The following ZNF787 variants were observed in gnomAD, a reference collection of about 807,000 sequenced individuals.
ZNF787 encodes the protein TTF-I-interacting peptide 20.
Under a neutral mutation model 16.9 loss-of-function variants are expected in ZNF787, and 7 were observed. The observed-to-expected ratio is 0.42, with a 90% CI of 0.24 to 0.78. ZNF787 has a LOEUF of 0.78. ZNF787 is among the 30% of genes least tolerant of loss of function. The probability of loss-of-function intolerance (pLI) is 0.30; values close to 1 mark genes in which losing one functional copy is unlikely to be tolerated. For missense variants in ZNF787, 551 were observed against 589.3 expected, an observed-to-expected ratio of 0.94 and a Z score of 0.67; for synonymous variants, 345 against 270.9, an observed-to-expected ratio of 1.27 and a Z score of -2.69.
At chr19:56,089,301 C>T (rs1227798601) in intron 2 of ZNF787, among the ~76,000 whole-genome samples, 1 of 152,116 alleles carries the variant, frequency 6.6e-6, no homozygotes, top group Non-Finnish European at 1.5e-5. Flanking sequence ...AGTTAAGACC[C>T]TCAGTTTACC....
intron 1 of ZNF787, among the ~76,000 whole-genome samples, chr19:56,118,006 G>A (rs772191741): frequency 6.6e-4 from 100 of 152,366 alleles, no homozygotes; most frequent in Non-Finnish European, 1.1e-3. Flanking sequence ...CGGCAGAGAC[G>A]GAACCAGGAA....
At chr19:56,090,268 G>A (rs1029240166) in intron 2 of ZNF787, among the ~76,000 whole-genome samples, 2 of 152,202 alleles carry the variant, frequency 1.3e-5, no homozygotes, top group Non-Finnish European at 2.9e-5. Context: ...TAAGCTGGGA[G>A]CACAAAACTG....
Position 56,089,031 on chromosome 19 carries a change from CG to C in ZNF787, c.140del (p.Pro47ArgfsTer35). ...VPSWPPTKLS[P>X]PQSAPPAGPP... is the part of the protein sequence containing the mutation. ...GGCCGGCTGGGGGCGCAGACTGGGG[CG>C]GGGACAGCTTGGTGGGAGGCCAGCT... is the stretch of plus-strand genomic sequence containing the variant. On this transcript the variant is annotated frameshift_variant, in exon 3 of 3. Coordinates refer to ENST00000610935, the MANE Select transcript of ZNF787 (RefSeq NM_001002836.4). LOFTEE classifies it high-confidence loss of function. The C allele has an allele frequency of 6.8e-7, 1 of 1,469,296 alleles. No individual in the cohort carries two copies. Among genetic ancestry groups the C allele is most frequent in the Non-Finnish European group, 9.0e-7 (1 of 1,113,172 alleles). The allele number at this position is 1,469,296 out of a possible 1,614,324, so 91.0% of individuals were successfully genotyped here.
intron 1 of ZNF787, 102 bp from the exon 2 acceptor site, chr19:56,103,329 C>A: frequency 2.0e-6 from 2 of 991,904 alleles, no homozygotes; most frequent in Non-Finnish European, 2.9e-6. Context: ...GTGACAGGCA[C>A]AGCGCCCGGC....
At chr19:56,106,886 C>T (rs1383631208) in intron 1 of ZNF787, among the ~76,000 whole-genome samples, 1 of 126,144 alleles carries the variant, frequency 7.9e-6, no homozygotes, top group African/African-American at 3.0e-5. Context: ...TGGCACAACC[C>T]CTCTGAACCG....
At chr19:56,091,951 G>GCCAAAACCGAAA (rs1555775514) in intron 2 of ZNF787, among the ~76,000 whole-genome samples, 1 of 28,874 alleles carries the variant, frequency 3.5e-5, no homozygotes, top group Non-Finnish European at 2.7e-4. Flanking sequence ...CAAAGCCAAA[G>GCCAAAACCGAAA]CCGAAACCGA....
At chr19:56,094,173 G>A (rs1400112680) in intron 2 of ZNF787, among the ~76,000 whole-genome samples, 1 of 147,196 alleles carries the variant, frequency 6.8e-6, no homozygotes, top group African/African-American at 2.5e-5. Context: ...ACAGGCATGA[G>A]CCATCATGCC....
intron 2 of ZNF787, 72 bp from the exon 3 acceptor site, chr19:56,089,164 C>T: frequency 8.1e-7 from 1 of 1,241,302 alleles, no homozygotes; most frequent in Non-Finnish European, 1.1e-6. Context: ...GGCTGCTACG[C>T]TGGCCTCGGG....
rs1271640378 is a variant in ZNF787 at position 56,102,945 on chromosome 19, G to A, written c.79+194C>T. 3 of 716,738 alleles carry A rather than the reference G, an allele frequency of 4.2e-6. No homozygotes were observed. In the South Asian group the frequency reaches 4.4e-5, roughly 11 times the overall value. 44.4% of individuals were successfully genotyped at this position (716,738 alleles called of 1,614,324 possible). On this transcript the variant is annotated intron_variant, in intron 2 of 2. Transcript: ENST00000610935. ...GATCATCCAGCAGAAAGGAAACTTG[G>A]AGCCACAACACTAGCCCTCCCTCTA...
At chr19:56,099,724 A>AAAC (rs1568527655) in intron 2 of ZNF787, among the ~76,000 whole-genome samples, 1 of 150,226 alleles carries the variant, frequency 6.7e-6, no homozygotes, top group Non-Finnish European at 1.5e-5. Context: ...AAAAAAAAAA[A>AAAC]AGAAAAGAGA....
chr19:56,098,962 C>T (rs77323412), intron 2 of ZNF787, among the ~76,000 whole-genome samples: 1 of 152,168 alleles, frequency 6.6e-6, no homozygotes, highest in Non-Finnish European at 1.5e-5. Context: ...GGGGACCCAC[C>T]ACCTGGGGCT....
At chr19:56,120,483 T>C (rs867186260) in intron 1 of ZNF787, among the ~76,000 whole-genome samples, 17 of 152,182 alleles carry the variant, frequency 1.1e-4, no homozygotes, top group Non-Finnish European at 1.3e-4. Context: ...CTTCCCCCGC[T>C]GGGGACGCGC....
Position 56,088,134 on chromosome 19 carries a change from G to T in ZNF787, c.1038C>A (p.Val346=). ...KKIHAVGAPS[V]CSSCGQSYYR... Reference sequence around the variant, plus strand: ...AGTAGCTCTGTCCGCAGCTGCTGCAGACCGAGGGCGCGCCCACCGCGTGGA... The same window carrying T: ...AGTAGCTCTGTCCGCAGCTGCTGCATACCGAGGGCGCGCCCACCGCGTGGA... The change falls in exon 3 of 3, where the codon GTC becomes GTA. Residue 346 remains valine (V), a synonymous_variant. Coordinates refer to ENST00000610935, the MANE Select transcript of ZNF787 (RefSeq NM_001002836.4). This position sits in a 1 kb window ranked among gnomAD's most constrained non-coding sequence, Gnocchi z 8.6. The T allele has an allele frequency of 6.4e-7, 1 of 1,552,314 alleles. No homozygotes were observed. Among genetic ancestry groups the T allele is most frequent in the Non-Finnish European group, 8.7e-7 (1 of 1,154,836 alleles).
At chr19:56,092,016 A>ACCGAAGCCGAAACCGAAGCCGAAG (rs1555775547) in intron 2 of ZNF787, among the ~76,000 whole-genome samples, 5 of 144,920 alleles carry the variant, frequency 3.5e-5, no homozygotes, top group African/African-American at 1.4e-4. Flanking sequence ...CAAAGCCGAA[A>ACCGAAGCCGAAACCGAAGCCGAAG]CCGAAGCCGA....
intron 1 of ZNF787, among the ~76,000 whole-genome samples, chr19:56,114,409 CCTGG>C (rs1265557165): frequency 0.016 from 444 of 28,272 alleles, 51 homozygotes; most frequent in Non-Finnish European, 0.036. Flanking sequence ...CTCCACCTGC[CCTGG>C]CCAGGCCTGG....
intron 1 of ZNF787, among the ~76,000 whole-genome samples, chr19:56,114,720 T>C (rs1047935494): frequency 6.6e-6 from 1 of 152,126 alleles, no homozygotes; most frequent in African/African-American, 2.4e-5. Context: ...TATTGGTATT[T>C]CCTTCCTGGG....
At chr19:56,111,470 T>C (rs1599957016) in intron 1 of ZNF787, among the ~76,000 whole-genome samples, 1 of 152,080 alleles carries the variant, frequency 6.6e-6, no homozygotes, top group South Asian at 2.1e-4. Flanking sequence ...GTGGGTGAAA[T>C]GCCAAACACA....
chr19:56,111,654 G>C (rs1176143460), intron 1 of ZNF787, among the ~76,000 whole-genome samples: 4 of 152,244 alleles, frequency 2.6e-5, no homozygotes, highest in African/African-American at 9.6e-5. Context: ...GAGGCGGGAA[G>C]GAACTCCGCA....
At chr19:56,093,915 T>G (rs1312864095) in intron 2 of ZNF787, among the ~76,000 whole-genome samples, 1 of 152,258 alleles carries the variant, frequency 6.6e-6, no homozygotes, top group Non-Finnish European at 1.5e-5. Context: ...GTTTTTACTA[T>G]CCGCTCTATT....
Sources: gnomAD v4.1 joint callset for allele counts (sites outside exome capture counted in the v4.1 genomes callset) on GRCh38, gnomAD v4.1.1 for gene constraint, Gnocchi (gnomAD v3.1) non-coding constraint, MANE v1.5 for transcripts, NCBI Gene and HGNC (gene_info 2026-07-23, HGNC 2026-07-21) for gene names.